PDE4B: variants seen among roughly 807,000 people sequenced by gnomAD.
PDE4B encodes phosphodiesterase 4B, also known as 3',5'-cyclic-AMP phosphodiesterase 4B.
A neutral mutation model predicts 82.2 loss-of-function variants in PDE4B; 20 were observed. That is an observed-to-expected ratio of 0.24 (90% CI 0.17 to 0.35). PDE4B has a LOEUF of 0.35. Ranked by LOEUF, PDE4B falls within the 10% of genes least tolerant of loss-of-function variation. The pLI is 1.00. For missense variants in PDE4B, 655 were observed against 907.2 expected (o/e 0.72, Z 3.57); for synonymous variants, 320 against 318.9 (o/e 1.00, Z -0.04).
At position 65,993,910 on chromosome 1, in the gene PDE4B, C is replaced by A. The variant is rs182107582; in HGVS notation, c.281+75075C>A. Among the ~76,000 whole-genome samples, 59 of 152,144 alleles carry A rather than the reference C, an allele frequency of 3.9e-4. 1 individual carries two copies. The highest frequency in any genetic ancestry group is 2.9e-4 in the Non-Finnish European group (20 of 67,992). On this transcript the variant is annotated intron_variant, in intron 3 of 16. Transcript: ENST00000341517. The stretch of plus-strand genomic sequence containing the variant: ...AATATAGTAGGGTAACGTCCTTAAA[C>A]AGTATAATGATGAAATGTAAGGAAA...
chr1:66,293,489 T>G (rs1248875505), intron 7 of PDE4B, among the ~76,000 whole-genome samples: 1 of 151,546 alleles, frequency 6.6e-6, no homozygotes, highest in Non-Finnish European at 1.5e-5. Context: ...TGTACCGTAC[T>G]GAGTTTATGG....
intron 3 of PDE4B, among the ~76,000 whole-genome samples, chr1:65,974,649 G>T (rs1650317158): frequency 6.6e-6 from 1 of 152,152 alleles, no homozygotes; most frequent in Non-Finnish European, 1.5e-5. Flanking sequence ...AATGAATCAT[G>T]GGGGTGGAAT....
In PDE4B at chr1:66,027,754, C is replaced by T. The variant is rs904178130; in HGVS notation, c.281+108919C>T. Among the ~76,000 whole-genome samples the T allele has an allele frequency of 4.2e-4, 64 of 152,258 alleles. 1 individual carries two copies. Among genetic ancestry groups the T allele is most frequent in the South Asian group, 1.7e-3 (8 of 4,820 alleles). ...GGGCCCATGCAAGTCCAAAATCCAA[C>T]GGGGCAGTCAAATTTTAAAGCTCCA... On this transcript the variant is annotated intron_variant, in intron 3 of 16. Transcript: ENST00000341517.
chr1:66,274,066 T>G (rs1248301675), intron 7 of PDE4B, among the ~76,000 whole-genome samples: 1 of 152,246 alleles, frequency 6.6e-6, no homozygotes, highest in Non-Finnish European at 1.5e-5. Flanking sequence ...AAGTAGGCAC[T>G]CAAGTAGCAT....
intron 3 of PDE4B, among the ~76,000 whole-genome samples, chr1:65,964,634 A>C (rs531259521): frequency 7.2e-5 from 11 of 152,302 alleles, no homozygotes; most frequent in African/African-American, 2.6e-4. Context: ...AGCATTATTT[A>C]AATTTTGAAA....
intron 3 of PDE4B, among the ~76,000 whole-genome samples, chr1:66,030,768 C>T (rs12567350): frequency 0.082 from 12,453 of 152,162 alleles, 937 homozygotes; most frequent in East Asian, 0.25. Context: ...ACATGGAATA[C>T]GATGCAGCCT....
At chr1:66,276,807 T>A (rs551328902) in intron 7 of PDE4B, among the ~76,000 whole-genome samples, 2 of 152,280 alleles carry the variant, frequency 1.3e-5, no homozygotes, top group East Asian at 3.9e-4. Context: ...ACTTGATAAT[T>A]GTAATGAAGG....
chr1:66,013,339 A>G (rs1163924254), intron 3 of PDE4B, among the ~76,000 whole-genome samples: 1 of 152,158 alleles, frequency 6.6e-6, no homozygotes, highest in Admixed American at 6.6e-5. Flanking sequence ...CAGAAGTGTC[A>G]ATGGATCCCG....
intron 3 of PDE4B, among the ~76,000 whole-genome samples, chr1:66,182,361 T>C (rs1647085023): frequency 6.6e-6 from 1 of 152,188 alleles, no homozygotes. Flanking sequence ...AGAATTTTTA[T>C]ACAAAACATA....
intron 7 of PDE4B, among the ~76,000 whole-genome samples, chr1:66,294,251 T>C (rs1196255410): frequency 6.6e-6 from 1 of 152,122 alleles, no homozygotes; most frequent in Non-Finnish European, 1.5e-5. Flanking sequence ...TGGGCTTCTC[T>C]CAACAAAGTT....
At chr1:66,254,220 T>TA (rs1038805192) in intron 4 of PDE4B, among the ~76,000 whole-genome samples, 10 of 148,418 alleles carry the variant, frequency 6.7e-5, no homozygotes, top group African/African-American at 1.2e-4. Context: ...TTGACTAGCC[T>TA]AAAAAAAAAG....
intron 3 of PDE4B, among the ~76,000 whole-genome samples, chr1:65,939,402 C>G (rs1347617426): frequency 6.6e-6 from 1 of 152,000 alleles, no homozygotes; most frequent in Non-Finnish European, 1.5e-5. Context: ...ACCATGTAGC[C>G]AAGGTTACCA....
intron 7 of PDE4B, among the ~76,000 whole-genome samples, chr1:66,269,536 T>A (rs1023857509): frequency 6.6e-6 from 1 of 152,036 alleles, no homozygotes. Context: ...GAAAGAAAAC[T>A]CCAAAATAAG....
chr1:66,248,593 C>T (rs1653507409), intron 4 of PDE4B, among the ~76,000 whole-genome samples: 1 of 152,168 alleles, frequency 6.6e-6, no homozygotes, highest in Non-Finnish European at 1.5e-5. Context: ...ATTGTGTGGG[C>T]CCAAATTCAT....
chr1:65,888,710 T>C (rs1646819180), intron 1 of PDE4B, among the ~76,000 whole-genome samples: 1 of 152,144 alleles, frequency 6.6e-6, no homozygotes, highest in Admixed American at 6.6e-5. Flanking sequence ...TTTTTAGCTG[T>C]TACAACTTGT....
chr1:66,209,492 T>G (rs974985850), intron 3 of PDE4B, among the ~76,000 whole-genome samples: 3 of 152,174 alleles, frequency 2.0e-5, no homozygotes, highest in South Asian at 2.1e-4. Context: ...TACCAGAAAT[T>G]TATGTCCCAC....
chr1:66,311,108 G>A (rs1658639494), intron 7 of PDE4B, among the ~76,000 whole-genome samples: 1 of 152,148 alleles, frequency 6.6e-6, no homozygotes. Flanking sequence ...TTAGGAGAGG[G>A]AGAAAGAGAA....
intron 3 of PDE4B, among the ~76,000 whole-genome samples, chr1:66,221,581 C>T (rs1257079759): frequency 6.6e-6 from 1 of 152,146 alleles, no homozygotes; most frequent in Non-Finnish European, 1.5e-5. Flanking sequence ...TTAAACATAT[C>T]AGGTAAATTC....
At chr1:66,166,237 C>G (rs551779728) in intron 3 of PDE4B, among the ~76,000 whole-genome samples, 15 of 152,118 alleles carry the variant, frequency 9.9e-5, no homozygotes, top group Non-Finnish European at 2.2e-4. Context: ...TGTACAAAAA[C>G]TAACCAAAGT....
Sources: gnomAD v4.1 joint callset for allele counts (sites outside exome capture counted in the v4.1 genomes callset) on GRCh38, gnomAD v4.1.1 for gene constraint, MANE v1.5 for transcripts, NCBI Gene and HGNC (gene_info 2026-07-23, HGNC 2026-07-21) for gene names.